Variants in ARHGAP15 observed in about 807,000 individuals in gnomAD.
ARHGAP15 encodes rho GTPase-activating protein 15.
A neutral mutation model predicts 63.7 loss-of-function variants in ARHGAP15; 51 were observed. The observed-to-expected ratio is 0.80, with a 90% CI of 0.64 to 1.01. The LOEUF (loss-of-function observed/expected upper bound fraction) is 1.01, where lower values mean the gene tolerates loss of function less well. Among genes scored for constraint, ARHGAP15 ranks in the 50% least tolerant of loss-of-function variants. The probability of loss-of-function intolerance (pLI) is 0.00; values close to 1 mark genes in which losing one functional copy is unlikely to be tolerated. For synonymous variants in ARHGAP15, 191 were observed against 193.8 expected, an observed-to-expected ratio of 0.99 and a Z score of 0.12; for missense variants, 560 against 564.6, an observed-to-expected ratio of 0.99 and a Z score of 0.08.
At chr2:143,423,964 AACAT>A (rs1179438605) in intron 6 of ARHGAP15, among the ~76,000 whole-genome samples, 25 of 152,286 alleles carry the variant, frequency 1.6e-4, no homozygotes, top group African/African-American at 5.5e-4. Flanking sequence ...AATGTTTTGC[AACAT>A]ACATTAAATA....
intron 6 of ARHGAP15, among the ~76,000 whole-genome samples, chr2:143,326,967 G>T (rs904652701): frequency 2.0e-5 from 3 of 152,202 alleles, no homozygotes; most frequent in Admixed American, 6.5e-5. Context: ...AAGAAAGGAA[G>T]TCAGATTGTC....
At chr2:143,318,931 G>C (rs1163849905) in intron 6 of ARHGAP15, among the ~76,000 whole-genome samples, 1 of 152,090 alleles carries the variant, frequency 6.6e-6, no homozygotes, top group Non-Finnish European at 1.5e-5. Context: ...CAAATGATCA[G>C]GTTCCGAAAA....
At chr2:143,411,586 A>C (rs1283160356) in intron 6 of ARHGAP15, among the ~76,000 whole-genome samples, 4 of 152,194 alleles carry the variant, frequency 2.6e-5, no homozygotes, top group African/African-American at 9.6e-5. Context: ...TCTTGTGTAC[A>C]AAAGCAGAGT....
At chr2:143,623,432 T>G (rs1698718529) in intron 11 of ARHGAP15, among the ~76,000 whole-genome samples, 1 of 152,192 alleles carries the variant, frequency 6.6e-6, no homozygotes, top group Non-Finnish European at 1.5e-5. Context: ...TGGTTTGTCT[T>G]TAGTGTGTTA....
chr2:143,660,691 G>C (rs1681717527), intron 12 of ARHGAP15, among the ~76,000 whole-genome samples: 3 of 152,126 alleles, frequency 2.0e-5, no homozygotes, highest in African/African-American at 7.2e-5. Flanking sequence ...AAAAGTAAGG[G>C]CTATGTGCTT....
chr2:143,535,095 T>A (rs1694694240), intron 10 of ARHGAP15, among the ~76,000 whole-genome samples: 1 of 152,134 alleles, frequency 6.6e-6, no homozygotes, highest in South Asian at 2.1e-4. Context: ...CTTAAAAATG[T>A]GCCCCTTCTC....
At chr2:143,371,514 C>A (rs1465956044) in intron 6 of ARHGAP15, among the ~76,000 whole-genome samples, 5 of 152,138 alleles carry the variant, frequency 3.3e-5, no homozygotes, top group African/African-American at 1.2e-4. Context: ...CCTCTCCCCA[C>A]CCCCAACACA....
intron 12 of ARHGAP15, among the ~76,000 whole-genome samples, chr2:143,653,820 A>T (rs1681294042): frequency 6.6e-6 from 1 of 152,148 alleles, no homozygotes; most frequent in Non-Finnish European, 1.5e-5. Context: ...AGGGCACAGT[A>T]CCTGGCATAT....
chr2:143,686,804 T>C (rs1683373252), intron 12 of ARHGAP15, among the ~76,000 whole-genome samples: 2 of 152,160 alleles, frequency 1.3e-5, no homozygotes, highest in South Asian at 2.1e-4. Context: ...TGTTTCAAAT[T>C]AGTGGTCCAT....
intron 12 of ARHGAP15, among the ~76,000 whole-genome samples, chr2:143,686,382 T>G (rs1683344672): frequency 2.3e-5 from 1 of 42,850 alleles, no homozygotes; most frequent in African/African-American, 1.3e-4. Context: ...AGACTCTGTC[T>G]CAAAAAAAAA....
chr2:143,290,250 A>G (rs1013195672), intron 6 of ARHGAP15, among the ~76,000 whole-genome samples: 1 of 152,122 alleles, frequency 6.6e-6, no homozygotes, highest in Non-Finnish European at 1.5e-5. Context: ...TAGAAGATCT[A>G]AGTATTGAGG....
chr2:143,410,106 T>A (rs1047047643), intron 6 of ARHGAP15, among the ~76,000 whole-genome samples: 2 of 152,190 alleles, frequency 1.3e-5, no homozygotes, highest in African/African-American at 4.8e-5. Context: ...CACATCATTT[T>A]GAAGGGTACT....
chr2:143,207,495 AACACACAC>A (rs70982851), intron 3 of ARHGAP15, among the ~76,000 whole-genome samples: 31 of 145,840 alleles, frequency 2.1e-4, no homozygotes, highest in African/African-American at 4.5e-4. Flanking sequence ...CACACACATA[AACACACAC>A]ACACACACAC....
chr2:143,225,090 A>G (rs1693154133), intron 4 of ARHGAP15, among the ~76,000 whole-genome samples: 1 of 152,236 alleles, frequency 6.6e-6, no homozygotes, highest in African/African-American at 2.4e-5. Flanking sequence ...CATGCTCAGA[A>G]GGACTCTGCC....
chr2:143,187,271 G>A (rs1299233155), intron 2 of ARHGAP15, among the ~76,000 whole-genome samples: 1 of 152,156 alleles, frequency 6.6e-6, no homozygotes, highest in Non-Finnish European at 1.5e-5. Context: ...AAGGCCACAG[G>A]GAATTAGAGA....
chr2:143,730,929 C>CTTT (rs1191514139), intron 13 of ARHGAP15, among the ~76,000 whole-genome samples: 3 of 87,322 alleles, frequency 3.4e-5, no homozygotes, highest in Admixed American at 1.6e-4. Flanking sequence ...GGGAAAAAGG[C>CTTT]TTTTTTTTTT....
chr2:143,394,907 C>A (rs1237509666), intron 6 of ARHGAP15, among the ~76,000 whole-genome samples: 1 of 152,016 alleles, frequency 6.6e-6, no homozygotes, highest in Non-Finnish European at 1.5e-5. Flanking sequence ...AGACTCCAGC[C>A]TGTATCATAT....
intron 12 of ARHGAP15, among the ~76,000 whole-genome samples, chr2:143,657,853 C>T (rs765070113): frequency 2.4e-4 from 37 of 152,106 alleles, no homozygotes; most frequent in Admixed American, 7.9e-4. Context: ...GACATAATTT[C>T]GAGACTTTGT....
chr2:143,185,536 C>A (rs1691409629), intron 2 of ARHGAP15, among the ~76,000 whole-genome samples: 2 of 152,090 alleles, frequency 1.3e-5, no homozygotes, highest in South Asian at 4.1e-4. Flanking sequence ...ATAATTACTG[C>A]AATATGAGTG....
Sources: gnomAD v4.1 joint callset for allele counts (sites outside exome capture counted in the v4.1 genomes callset) on GRCh38, gnomAD v4.1.1 for gene constraint, MANE v1.5 for transcripts, NCBI Gene and HGNC (gene_info 2026-07-23, HGNC 2026-07-21) for gene names.